ANKRD44: variants seen among roughly 807,000 people sequenced by gnomAD.
ANKRD44 encodes the protein ankyrin repeat domain 44.
A neutral mutation model predicts 116.0 loss-of-function variants in ANKRD44; 35 were observed. The ratio of observed to expected loss-of-function variants is 0.30; its 90% confidence interval spans 0.23 to 0.40. The LOEUF (loss-of-function observed/expected upper bound fraction) is 0.40, where lower values mean the gene tolerates loss of function less well. Ranked by LOEUF, ANKRD44 falls within the 10% of genes least tolerant of loss-of-function variation. The pLI, the probability that ANKRD44 is intolerant of heterozygous loss-of-function variation, is 1.00. For missense variants in ANKRD44, 1,014 were observed against 1,242.6 expected, an observed-to-expected ratio of 0.82 and a Z score of 2.77; for synonymous variants, 435 against 461.8, an observed-to-expected ratio of 0.94 and a Z score of 0.74.
intron 16 of ANKRD44, among the ~76,000 whole-genome samples, chr2:197,048,651 C>T (rs1056084924): frequency 1.3e-5 from 2 of 152,166 alleles, no homozygotes; most frequent in Admixed American, 1.3e-4. Context: ...AATAAACATA[C>T]ACGTGCATGT....
At chr2:197,147,835 C>G (rs914626355) in intron 2 of ANKRD44, 2 of 453,432 alleles carry the variant, frequency 4.4e-6, no homozygotes, top group Non-Finnish European at 8.9e-6. Flanking sequence ...GTCAGTGAGG[C>G]CTTTCTGAGA....
intron 1 of ANKRD44, among the ~76,000 whole-genome samples, chr2:197,306,366 C>T (rs975918097): frequency 6.6e-6 from 1 of 152,152 alleles, no homozygotes; most frequent in Non-Finnish European, 1.5e-5. Context: ...GTTTTCTCAT[C>T]CATAAAATAG....
At chr2:197,066,807 T>G (rs1421550661) in intron 16 of ANKRD44, among the ~76,000 whole-genome samples, 2 of 152,270 alleles carry the variant, frequency 1.3e-5, no homozygotes, top group South Asian at 4.1e-4. Context: ...TGGAAGAACA[T>G]TCCATGCTCA....
At chr2:197,202,187 G>T (rs976551116) in intron 1 of ANKRD44, among the ~76,000 whole-genome samples, 20 of 152,170 alleles carry the variant, frequency 1.3e-4, no homozygotes, top group African/African-American at 4.8e-4. Context: ...TTCTTGAATT[G>T]TGACCAATCA....
intron 10 of ANKRD44, among the ~76,000 whole-genome samples, chr2:197,097,268 T>C (rs955900993): frequency 3.3e-5 from 5 of 152,212 alleles, no homozygotes; most frequent in African/African-American, 1.2e-4. Flanking sequence ...TTCATGATTG[T>C]TTGGCTAAAA....
In ANKRD44 at chr2:197,099,806, G is replaced by A. The variant is rs375696827; in HGVS notation, c.1100+10C>T. 37 of 1,613,048 alleles carry A rather than the reference G, an allele frequency of 2.3e-5. No homozygotes were observed. The highest frequency in any genetic ancestry group is 1.0e-4 in the Admixed American group (6 of 59,764). On this transcript the variant is annotated intron_variant, in intron 10 of 27. Transcript: ENST00000282272. ...GGCAATTATTCCACCGTATTTTTGCGGTAACCTACTTGGCTGTGTCAGCTC... is the reference window on the plus strand; with the variant it reads ...GGCAATTATTCCACCGTATTTTTGCAGTAACCTACTTGGCTGTGTCAGCTC...
chr2:197,074,756 AGCT>A (rs1446085360), intron 16 of ANKRD44, among the ~76,000 whole-genome samples: 1 of 152,258 alleles, frequency 6.6e-6, no homozygotes, highest in East Asian at 1.9e-4. Context: ...TGGGATTATA[AGCT>A]GTGAGCCACT....
chr2:197,175,156 C>T (rs568040380), intron 2 of ANKRD44, among the ~76,000 whole-genome samples: 1 of 152,246 alleles, frequency 6.6e-6, no homozygotes, highest in East Asian at 1.9e-4. Context: ...ATCTCTGGAT[C>T]TTTTCCAAAT....
chr2:197,104,201 A>G (rs1281836398), intron 9 of ANKRD44, among the ~76,000 whole-genome samples: 1 of 151,880 alleles, frequency 6.6e-6, no homozygotes, highest in Non-Finnish European at 1.5e-5. Flanking sequence ...GCTCACTGCA[A>G]CCTCCCCTTC....
intron 7 of ANKRD44, 116 bp from the exon 8 acceptor site, chr2:197,121,660 T>C (rs1157643644): frequency 3.4e-6 from 3 of 872,470 alleles, no homozygotes; most frequent in Admixed American, 2.1e-5. Context: ...GCCAATATAA[T>C]TGTTCAGAGC....
At chr2:197,221,531 C>G (rs2081587069) in intron 1 of ANKRD44, among the ~76,000 whole-genome samples, 1 of 152,188 alleles carries the variant, frequency 6.6e-6, no homozygotes. Flanking sequence ...TACTCTTTGA[C>G]TAGTAAGCCT....
chr2:197,067,142 T>C (rs2125079348), intron 16 of ANKRD44, among the ~76,000 whole-genome samples: 1 of 152,132 alleles, frequency 6.6e-6, no homozygotes. Flanking sequence ...CATCTACAAC[T>C]ATCTGATCTT....
intron 2 of ANKRD44, among the ~76,000 whole-genome samples, chr2:197,152,454 A>G (rs2079677367): frequency 6.6e-6 from 1 of 152,204 alleles, no homozygotes; most frequent in African/African-American, 2.4e-5. Context: ...CAGATGCATG[A>G]GAAATGAGAA....
intron 1 of ANKRD44, among the ~76,000 whole-genome samples, chr2:197,249,827 C>T (rs146918414): frequency 0.015 from 2,243 of 152,226 alleles, 17 homozygotes; most frequent in Non-Finnish European, 0.019. Context: ...GTTTAAAATA[C>T]ATAAGACAGT....
intron 1 of ANKRD44, among the ~76,000 whole-genome samples, chr2:197,281,628 A>C (rs143450589): frequency 1.7e-3 from 257 of 152,310 alleles, no homozygotes; most frequent in African/African-American, 6.0e-3. Context: ...ATGTGTTTGG[A>C]AAATGAGGAA....
chr2:197,279,981 T>C (rs996274344), intron 1 of ANKRD44, among the ~76,000 whole-genome samples: 1 of 152,204 alleles, frequency 6.6e-6, no homozygotes, highest in African/African-American at 2.4e-5. Flanking sequence ...CCACCACTAC[T>C]ATAAGAATTT....
intron 17 of ANKRD44, among the ~76,000 whole-genome samples, chr2:197,023,423 C>T (rs1366535607): frequency 1.3e-5 from 2 of 152,168 alleles, no homozygotes; most frequent in Non-Finnish European, 2.9e-5. Flanking sequence ...GCTAGGACCT[C>T]CACTTGATGT....
At chr2:197,075,987 C>G (rs374999995) in intron 16 of ANKRD44, among the ~76,000 whole-genome samples, 1 of 152,166 alleles carries the variant, frequency 6.6e-6, no homozygotes, top group Non-Finnish European at 1.5e-5. Flanking sequence ...AGATGGCCCC[C>G]CATCTTCTTC....
intron 21 of ANKRD44, among the ~76,000 whole-genome samples, chr2:197,005,145 T>G (rs1357394442): frequency 1.3e-5 from 2 of 152,208 alleles, no homozygotes; most frequent in African/African-American, 4.8e-5. Flanking sequence ...GAAACAATTT[T>G]ACTTCAGATA....
Sources: gnomAD v4.1 joint callset for allele counts (sites outside exome capture counted in the v4.1 genomes callset) on GRCh38, gnomAD v4.1.1 for gene constraint, MANE v1.5 for transcripts, NCBI Gene and HGNC (gene_info 2026-07-23, HGNC 2026-07-21) for gene names.